Variants in ANKRD27 observed in about 807,000 individuals in gnomAD.
The protein encoded by ANKRD27 is ankyrin repeat domain-containing protein 27.
ANKRD27 carries 112 observed loss-of-function variants against 129.7 expected under a neutral mutation model. That is an observed-to-expected ratio of 0.86 (90% CI 0.74 to 1.01). The LOEUF (loss-of-function observed/expected upper bound fraction) is 1.01, where lower values mean the gene tolerates loss of function less well. Among genes scored for constraint, ANKRD27 ranks in the 50% least tolerant of loss-of-function variants. The pLI, the probability that ANKRD27 is intolerant of heterozygous loss-of-function variation, is 0.00. For synonymous variants in ANKRD27, 516 were observed against 511.2 expected, an observed-to-expected ratio of 1.01 and a Z score of -0.13; for missense variants, 1,258 against 1,300.5, an observed-to-expected ratio of 0.97 and a Z score of 0.50.
At position 32,642,164 on chromosome 19, in the gene ANKRD27, A is replaced by G. The variant is rs763292795; in HGVS notation, c.783-19T>C. 1 of 1,572,512 alleles carries G rather than the reference A, an allele frequency of 6.4e-7. No homozygotes were observed. Among genetic ancestry groups the G allele is most frequent in the Non-Finnish European group, 8.7e-7 (1 of 1,153,812 alleles). ...GTTAAAGCTGTAAAATAATTTGGAA[A>G]GTGACAACTTCAGAGCACAGTAAGA... On this transcript the variant is annotated intron_variant, in intron 9 of 28. Coordinates refer to ENST00000306065, the MANE Select transcript of ANKRD27 (RefSeq NM_032139.3).
chr19:32,636,316 T>A (rs911609064), intron 12 of ANKRD27: 2 of 157,974 alleles, frequency 1.3e-5, no homozygotes, highest in East Asian at 1.7e-4. Context: ...TTAAGATTGA[T>A]GACAATGAGA....
chr19:32,607,680 G>T lies in ANKRD27; in HGVS notation c.2328C>A (p.Asp776Glu). ...AGGCCAGGTGGAGCGGGACGGCTTG[G>T]TCTGCGTTCCTGGCACCTGCGTTGG... The part of the protein sequence containing the change: ...HGANAGARNA[D>E]QAVPLHLACQ... Residue 776 changes from aspartate to glutamate, a missense_variant, in exon 23 of 29, where the codon GAC becomes GAA. By Grantham distance (45) the Asp-to-Glu change is conservative. Transcript: ENST00000306065. 1 of 1,612,478 alleles carries T rather than the reference G, an allele frequency of 6.2e-7. No individual in the cohort carries two copies. The highest frequency in any genetic ancestry group is 8.5e-7 in the Non-Finnish European group (1 of 1,179,714).
chr19:32,669,434 G>A (rs1380301502), intron 1 of ANKRD27, among the ~76,000 whole-genome samples: 3 of 152,174 alleles, frequency 2.0e-5, no homozygotes, highest in African/African-American at 4.8e-5. Flanking sequence ...ATTTTGCTGG[G>A]ACAGAGTCAC....
At chr19:32,667,483 T>A (rs543695778) in intron 1 of ANKRD27, among the ~76,000 whole-genome samples, 1 of 152,328 alleles carries the variant, frequency 6.6e-6, no homozygotes, top group South Asian at 2.1e-4. Flanking sequence ...TAAAATTTAT[T>A]TTAAAAAGAA....
intron 21 of ANKRD27, among the ~76,000 whole-genome samples, chr19:32,617,114 C>G (rs1017359551): frequency 3.9e-5 from 6 of 152,196 alleles, no homozygotes; most frequent in African/African-American, 9.6e-5. Context: ...GAAAATATAA[C>G]AACACCATTA....
intron 1 of ANKRD27, chr19:32,672,965 G>A (rs908293361): frequency 2.0e-5 from 3 of 152,178 alleles, no homozygotes; most frequent in African/African-American, 7.2e-5. Context: ...AGAGGATGGA[G>A]TCATTGGACA....
In ANKRD27 at chr19:32,619,354, G is replaced by T; in HGVS notation, c.1913C>A (p.Ser638Tyr). 1 of 1,613,690 alleles carries T rather than the reference G, an allele frequency of 6.2e-7. No individual in the cohort carries two copies. The highest frequency in any genetic ancestry group is 1.1e-5 in the South Asian group (1 of 91,040). ...GGACTCTTGGCTGATGGAGTCCACG[G>T]AGCGCTGCGGGGACTGCACAGGGGC... ...SEAPVQSPQR[S>Y]VDSISQESST... Residue 638 changes from serine (S) to tyrosine (Y), a missense_variant, in exon 20 of 29, where the codon TCC becomes TAC. Physicochemically the swap from Ser to Tyr is moderately radical, Grantham distance 144 (BLOSUM62 -2). Transcript: ENST00000306065.
At chr19:32,641,380 C>CA (rs1967197513) in intron 10 of ANKRD27, among the ~76,000 whole-genome samples, 1 of 152,172 alleles carries the variant, frequency 6.6e-6, no homozygotes, top group Non-Finnish European at 1.5e-5. Flanking sequence ...TTCCTAAGGT[C>CA]ACTTCCATTT....
intron 21 of ANKRD27, among the ~76,000 whole-genome samples, chr19:32,616,649 A>C (rs796525858): frequency 6.6e-6 from 1 of 152,050 alleles, no homozygotes; most frequent in Non-Finnish European, 1.5e-5. Context: ...GCTGTCTCCA[A>C]TGTCCACTCA....
chr19:32,660,351 T>C (rs1424480796), intron 1 of ANKRD27, among the ~76,000 whole-genome samples: 3 of 152,146 alleles, frequency 2.0e-5, no homozygotes, highest in African/African-American at 4.8e-5. Flanking sequence ...AAGACCAGCC[T>C]GGTCAACATG....
rs1971662610 is a variant in ANKRD27, at chr19:32,602,111, C to T, written c.2671G>A (p.Glu891Lys). Residue 891 changes from glutamate (E) to lysine (K), a missense_variant, in exon 26 of 29, where the codon GAA (glutamate) becomes AAA (lysine). Coordinates refer to ENST00000306065, the MANE Select transcript of ANKRD27 (RefSeq NM_032139.3). Reference sequence around the variant, plus strand: ...CAGCTTGGTACCACCTGAAGCAATTCCATTATTTTTGAATTCTGCAATTTG... The same window carrying T: ...CAGCTTGGTACCACCTGAAGCAATTTCATTATTTTTGAATTCTGCAATTTG... The part of the protein sequence containing the change: ...DCAEQNSKIM[E>K]LLQVVPSCVA... The T allele has an allele frequency of 6.2e-7, 1 of 1,610,872 alleles. No individual in the cohort carries two copies. Among genetic ancestry groups the T allele is most frequent in the East Asian group, 2.2e-5 (1 of 44,830 alleles).
At chr19:32,664,064 AAAAAAAAAAAG>A (rs1179807130) in intron 1 of ANKRD27, among the ~76,000 whole-genome samples, 2 of 140,622 alleles carry the variant, frequency 1.4e-5, no homozygotes, top group East Asian at 3.9e-4. Flanking sequence ...TCAAAAAAAA[AAAAAAAAAAAG>A]AAAGAAATAG....
chr19:32,673,175 C>A, intron 1 of ANKRD27: 1 of 542,624 alleles, frequency 1.8e-6, no homozygotes, highest in South Asian at 7.9e-5. Context: ...CCTGCCCTCC[C>A]AGGGAAGCTG....
chr19:32,632,792 A>C (rs1967020198), intron 12 of ANKRD27, among the ~76,000 whole-genome samples: 1 of 152,094 alleles, frequency 6.6e-6, no homozygotes, highest in African/African-American at 2.4e-5. Flanking sequence ...AACCCTGACA[A>C]ATTTGTGGAA....
chr19:32,650,360 T>C (rs1191376685), intron 2 of ANKRD27, among the ~76,000 whole-genome samples: 1 of 152,160 alleles, frequency 6.6e-6, no homozygotes, highest in Admixed American at 6.5e-5. Flanking sequence ...GAGACCAGCC[T>C]GGCCAACATG....
intron 22 of ANKRD27, chr19:32,608,478 C>A: frequency 3.7e-6 from 1 of 270,026 alleles, no homozygotes; most frequent in Non-Finnish European, 7.7e-6. Context: ...AATAATTTTA[C>A]TTTTTGATGA....
chr19:32,656,099 GAAAGAAAGAAAAGAAAAGA>G (rs1967523482), intron 2 of ANKRD27, among the ~76,000 whole-genome samples: 5 of 123,256 alleles, frequency 4.1e-5, no homozygotes, highest in South Asian at 2.8e-4. Context: ...AAGAAAGAAA[GAAAGAAAGAAAAGAAAAGA>G]AAAGAAAAGA....
intron 9 of ANKRD27, 66 bp from the exon 10 acceptor site, chr19:32,642,211 A>ATGATACAGC: frequency 7.1e-7 from 1 of 1,418,316 alleles, no homozygotes; most frequent in Admixed American, 2.4e-5. Context: ...CCTGGATCTA[A>ATGATACAGC]GAACACATCT....
At position 32,598,231 on chromosome 19, in the gene ANKRD27, T is replaced by C; in HGVS notation, c.3067A>G (p.Thr1023Ala). The C allele has an allele frequency of 6.2e-7, 1 of 1,614,064 alleles. No individual in the cohort carries two copies. Among genetic ancestry groups the C allele is most frequent in the South Asian group, 1.1e-5 (1 of 91,082 alleles). ...TGGGACACGACCGCATCCTCTACCG[T>C]GTGTCTCCGCAGCATCCGTCTGTGT... ...PGHRRMLRRH[T>A]VEDAVVSQGP... The change falls in exon 29 of 29, where the codon ACG becomes GCG. Residue 1023 changes from threonine (T) to alanine (A), a missense_variant. Physicochemically the swap from Thr to Ala is moderately conservative, Grantham distance 58. Transcript: ENST00000306065.
Sources: gnomAD v4.1 joint callset for allele counts (sites outside exome capture counted in the v4.1 genomes callset) on GRCh38, gnomAD v4.1.1 for gene constraint, MANE v1.5 for transcripts, NCBI Gene and HGNC (gene_info 2026-07-23, HGNC 2026-07-21) for gene names.